The following HDAC4 variants were observed in gnomAD, a reference collection of about 807,000 sequenced individuals.
HDAC4 encodes the protein histone deacetylase 4, also known as histone deacetylase A.
A neutral mutation model predicts 135.1 loss-of-function variants in HDAC4; 16 were observed. The ratio of observed to expected loss-of-function variants is 0.12; its 90% CI spans 0.08 to 0.18. The LOEUF is 0.18. HDAC4 is among the 10% of genes least tolerant of loss of function. The probability of loss-of-function intolerance (pLI) is 1.00; values close to 1 mark genes in which losing one functional copy is unlikely to be tolerated. For missense variants in HDAC4, 1,143 were observed against 1,511.8 expected (o/e 0.76, Z 4.05); for synonymous variants, 685 against 653.4 (o/e 1.05, Z -0.74).
Position 239,227,869 on chromosome 2 carries a change from C to T in HDAC4, c.94+8724G>A, listed in dbSNP as rs115906636. Among the ~76,000 whole-genome samples the T allele has an allele frequency of 8.7e-3, 1,321 of 152,328 alleles. 21 individuals are homozygous for T. Among genetic ancestry groups the T allele is most frequent in the African/African-American group, 0.031 (1,273 of 41,572 alleles). On this transcript the variant is annotated intron_variant, in intron 3 of 26. Coordinates refer to ENST00000543185, the MANE Select transcript of HDAC4 (RefSeq NM_001378414.1). ...ACTGCAGGTCCAGCAGCTGCCACTG[C>T]AGGGTGGCCCGGGCCCTCTGCTAGG...
chr2:239,191,106 G>GC, intron 3 of HDAC4: 1 of 427,672 alleles, frequency 2.3e-6, no homozygotes, highest in South Asian at 1.6e-5. Flanking sequence ...CCTCCCACAG[G>GC]CCCACCCCTC....
intron 3 of HDAC4, among the ~76,000 whole-genome samples, chr2:239,231,462 CA>C (rs2047550912): frequency 6.6e-6 from 1 of 151,592 alleles, no homozygotes; most frequent in Non-Finnish European, 1.5e-5. Flanking sequence ...TCTGTAGGAG[CA>C]GTGGGGGGCA....
chr2:239,228,732 G>A (rs2047381045), intron 3 of HDAC4, among the ~76,000 whole-genome samples: 1 of 152,154 alleles, frequency 6.6e-6, no homozygotes, highest in Non-Finnish European at 1.5e-5. Context: ...GAGGTAATAT[G>A]CCTTCAGCCA....
chr2:239,225,030 T>C (rs887781275), intron 3 of HDAC4, among the ~76,000 whole-genome samples: 1 of 152,182 alleles, frequency 6.6e-6, no homozygotes, highest in Non-Finnish European at 1.5e-5. Context: ...TTTCTAACCA[T>C]AATGGAGTAA....
intron 2 of HDAC4, among the ~76,000 whole-genome samples, chr2:239,345,314 C>T (rs1055209077): frequency 3.9e-5 from 6 of 152,044 alleles, no homozygotes; most frequent in Non-Finnish European, 7.4e-5. Flanking sequence ...TTTGGGAGGC[C>T]GAGGGGGCAG....
At chr2:239,213,773 T>G (rs1012739766) in intron 3 of HDAC4, among the ~76,000 whole-genome samples, 1 of 152,140 alleles carries the variant, frequency 6.6e-6, no homozygotes, top group Non-Finnish European at 1.5e-5. Flanking sequence ...AGGGACAGAG[T>G]GAGCCTTCAT....
At chr2:239,064,765 G>C (rs2033253651) in intron 24 of HDAC4, among the ~76,000 whole-genome samples, 1 of 152,176 alleles carries the variant, frequency 6.6e-6, no homozygotes, top group African/African-American at 2.4e-5. Flanking sequence ...GCACTGGGAA[G>C]AAGACACCCT....
In HDAC4 at chr2:239,313,908, C is replaced by T. The variant is rs2053003282; in HGVS notation, c.22+38770G>A. Among the ~76,000 whole-genome samples, 1 of 152,178 alleles carries T rather than the reference C, an allele frequency of 6.6e-6. No homozygotes were observed. Among genetic ancestry groups the T allele is most frequent in the Non-Finnish European group, 1.5e-5 (1 of 68,032 alleles). On this transcript the variant is annotated intron_variant, in intron 2 of 26. Transcript: ENST00000543185. This position sits in a 1 kb window ranked among gnomAD's most constrained non-coding sequence, Gnocchi z 5.1. ...ACCTGCACTGCCTCTTACCACTGCA[C>T]CGTCCCTGTGAGTGTGCGTGGGGAG...
intron 2 of HDAC4, among the ~76,000 whole-genome samples, chr2:239,278,934 G>C (rs1454739613): frequency 9.2e-5 from 14 of 152,150 alleles, no homozygotes; most frequent in Admixed American, 9.2e-4. Context: ...CCAAGAGCTC[G>C]AGGCCAGCCT....
intron 14 of HDAC4, among the ~76,000 whole-genome samples, chr2:239,109,754 G>A (rs2038500452): frequency 6.6e-6 from 1 of 152,206 alleles, no homozygotes. Flanking sequence ...GACGGACACT[G>A]CCCCGTGAAA....
At chr2:239,154,753 A>G (rs1057068012) in intron 7 of HDAC4, 2 of 152,156 alleles carry the variant, frequency 1.3e-5, no homozygotes, top group Non-Finnish European at 2.9e-5. Context: ...TCTGGAAAAA[A>G]TACTGATCTC....
chr2:239,336,171 C>T (rs1204530506), intron 2 of HDAC4, among the ~76,000 whole-genome samples: 1 of 152,060 alleles, frequency 6.6e-6, no homozygotes, highest in Non-Finnish European at 1.5e-5. Flanking sequence ...CCAGGAGAAA[C>T]TCATGTTAGA....
chr2:239,356,974 A>G (rs1427043780), intron 1 of HDAC4, among the ~76,000 whole-genome samples: 1 of 152,230 alleles, frequency 6.6e-6, no homozygotes, highest in Non-Finnish European at 1.5e-5. Flanking sequence ...TAGAACAAGT[A>G]GACAGAAAAT....
At chr2:239,264,712 G>A (rs532690018) in intron 2 of HDAC4, among the ~76,000 whole-genome samples, 5 of 152,312 alleles carry the variant, frequency 3.3e-5, no homozygotes, top group East Asian at 3.9e-4. Flanking sequence ...TAGAAGCCCC[G>A]TCCTGTCTGC....
rs1192950132 is a variant in HDAC4, at chr2:239,115,955, G to C, written c.1534-645C>G. 6.6e-6 allele frequency among the ~76,000 whole-genome samples: 1 copy of C among 152,112 alleles called. No individual in the cohort carries two copies. The highest frequency in any genetic ancestry group is 1.9e-4 in the East Asian group (1 of 5,178). On this transcript the variant is annotated intron_variant, in intron 12 of 26. Coordinates refer to ENST00000543185, the MANE Select transcript of HDAC4 (RefSeq NM_001378414.1). The surrounding 1 kb of genome is among the most constrained non-coding windows in gnomAD (Gnocchi z 6.3). ...TCCTTTCTTGCAGGATTCCATGGGT[G>C]CTCCATGACCTGCCCCGCTATGGGG...
At chr2:239,399,510 A>G (rs1004037793) in intron 1 of HDAC4, among the ~76,000 whole-genome samples, 3 of 152,166 alleles carry the variant, frequency 2.0e-5, no homozygotes, top group African/African-American at 7.2e-5. Flanking sequence ...GAATTATCAG[A>G]AGCAATTAAA....
At chr2:239,304,998 C>T (rs566293654) in intron 2 of HDAC4, among the ~76,000 whole-genome samples, 2 of 152,256 alleles carry the variant, frequency 1.3e-5, no homozygotes, top group East Asian at 1.9e-4. Context: ...GACAGTCCCG[C>T]GCTTTCTTCC....
intron 1 of HDAC4, among the ~76,000 whole-genome samples, chr2:239,397,250 G>C (rs1696622365): frequency 6.6e-6 from 1 of 152,210 alleles, no homozygotes; most frequent in Admixed American, 6.5e-5. Context: ...GAGATGCAGG[G>C]GGTGGCACAT....
chr2:239,170,968 G>A (rs1437096374), intron 5 of HDAC4, among the ~76,000 whole-genome samples: 1 of 152,178 alleles, frequency 6.6e-6, no homozygotes, highest in Non-Finnish European at 1.5e-5. Flanking sequence ...TTGAAGGCCT[G>A]AAACCCAACT....
Sources: allele counts gnomAD v4.1 joint callset (sites outside exome capture counted in the v4.1 genomes callset), GRCh38; gene constraint gnomAD v4.1.1; non-coding constraint Gnocchi (gnomAD v3.1); transcripts MANE v1.5; gene names NCBI Gene and HGNC (gene_info 2026-07-23, HGNC 2026-07-21).